LYPLAL1: variants seen among roughly 807,000 people sequenced by gnomAD.
The protein encoded by LYPLAL1 is lysophospholipase like 1.
A neutral mutation model predicts 19.7 loss-of-function variants in LYPLAL1; 23 were observed. The ratio of observed to expected loss-of-function variants is 1.17; its 90% CI spans 0.84 to 1.65. The LOEUF is 1.65. LYPLAL1 is among the 40% of genes most tolerant of loss of function. LYPLAL1 has a pLI of 0.00. For missense variants in LYPLAL1, 355 were observed against 279.4 expected (o/e 1.27, Z -1.93); for synonymous variants, 119 against 96.3 (o/e 1.24, Z -1.38).
chr1:219,355,651 A>G, the LYPLAL1 span, among the ~76,000 whole-genome samples: 1 of 152,176 alleles, frequency 6.6e-6, no homozygotes, highest in Non-Finnish European at 1.5e-5. Context: ...AGAACTTTAT[A>G]CATGAAATCG....
the LYPLAL1 span, among the ~76,000 whole-genome samples, chr1:219,395,551 C>T: frequency 0.2 from 29,992 of 151,986 alleles, 3,519 homozygotes; most frequent in Admixed American, 0.31. Flanking sequence ...CAAAAATTTC[C>T]TCTCATTCTG....
the LYPLAL1 span, among the ~76,000 whole-genome samples, chr1:219,320,107 G>T: frequency 3.3e-5 from 5 of 152,212 alleles, no homozygotes; most frequent in Non-Finnish European, 7.3e-5. Context: ...CCTTGTTTCT[G>T]TAAGTGGTCA....
the LYPLAL1 span, among the ~76,000 whole-genome samples, chr1:219,408,882 C>G: frequency 6.6e-6 from 1 of 152,114 alleles, no homozygotes; most frequent in African/African-American, 2.4e-5. Flanking sequence ...AAGTTGGCTC[C>G]AGAAAGTGAA....
chr1:219,231,434 T>C, the LYPLAL1 span, among the ~76,000 whole-genome samples: 1 of 152,122 alleles, frequency 6.6e-6, no homozygotes, highest in Admixed American at 6.6e-5. Context: ...CAACAAGAGT[T>C]TACCTTGATA....
At chr1:219,301,906 A>G in the LYPLAL1 span, among the ~76,000 whole-genome samples, 1 of 152,160 alleles carries the variant, frequency 6.6e-6, no homozygotes, top group African/African-American at 2.4e-5. Flanking sequence ...TGATTTTACA[A>G]TAGTTCATAT....
the LYPLAL1 span, among the ~76,000 whole-genome samples, chr1:219,425,358 A>G: frequency 1.3e-4 from 20 of 152,238 alleles, no homozygotes; most frequent in Admixed American, 7.2e-4. Flanking sequence ...GCACAGGCTT[A>G]GTGATTTGCC....
chr1:219,300,530 CTTTTTTTT>C, the LYPLAL1 span, among the ~76,000 whole-genome samples: 3 of 82,010 alleles, frequency 3.7e-5, no homozygotes, highest in Non-Finnish European at 6.7e-5. Flanking sequence ...TTTATCCTAA[CTTTTTTTT>C]TTTTTTTTTT....
At chr1:219,360,688 A>T in the LYPLAL1 span, among the ~76,000 whole-genome samples, 1 of 152,094 alleles carries the variant, frequency 6.6e-6, no homozygotes, top group Admixed American at 6.5e-5. Flanking sequence ...TAGGAAAGGG[A>T]GATGTAAGAG....
chr1:219,216,053 T>C (rs1274513238), downstream of LYPLAL1, among the ~76,000 whole-genome samples: 1 of 152,122 alleles, frequency 6.6e-6, no homozygotes, highest in Non-Finnish European at 1.5e-5. Context: ...CTGAAATACT[T>C]CATGAAGTTC....
the LYPLAL1 span, among the ~76,000 whole-genome samples, chr1:219,308,529 G>A: frequency 9.3e-4 from 141 of 152,274 alleles, no homozygotes; most frequent in African/African-American, 2.9e-3. Context: ...TGGCAGGGCC[G>A]AGGGCCCCCA....
At chr1:219,279,144 C>T in the LYPLAL1 span, among the ~76,000 whole-genome samples, 6 of 152,198 alleles carry the variant, frequency 3.9e-5, no homozygotes, top group East Asian at 1.9e-4. Flanking sequence ...TTGCCTCCTC[C>T]GCCAACAGCT....
At chr1:219,311,400 A>G in the LYPLAL1 span, among the ~76,000 whole-genome samples, 5 of 152,206 alleles carry the variant, frequency 3.3e-5, no homozygotes, top group African/African-American at 1.2e-4. Flanking sequence ...AGCAGTATGA[A>G]CATATTTGCT....
the LYPLAL1 span, among the ~76,000 whole-genome samples, chr1:219,413,871 A>C: frequency 2.0e-5 from 3 of 152,238 alleles, no homozygotes; most frequent in Admixed American, 2.0e-4. Flanking sequence ...TGGTAGAAGA[A>C]TACTTTCCAG....
the LYPLAL1 span, among the ~76,000 whole-genome samples, chr1:219,320,065 G>T: frequency 6.6e-6 from 1 of 152,144 alleles, no homozygotes. Flanking sequence ...AACACAATAC[G>T]CAAGACAGAA....
At chr1:219,341,058 C>A in the LYPLAL1 span, among the ~76,000 whole-genome samples, 1 of 152,030 alleles carries the variant, frequency 6.6e-6, no homozygotes, top group African/African-American at 2.4e-5. Flanking sequence ...GTGCATGTAT[C>A]TGTATCTGTC....
At chr1:219,204,035 G>T (rs4846536) in intron 3 of LYPLAL1, among the ~76,000 whole-genome samples, 110,985 of 152,084 alleles carry the variant, frequency 0.73, 41,316 homozygotes, top group East Asian at 0.93. Context: ...TTTGTTAAGA[G>T]AGAGAGAACT....
chr1:219,406,773 A>G, the LYPLAL1 span, among the ~76,000 whole-genome samples: 1 of 129,210 alleles, frequency 7.7e-6, no homozygotes, highest in Non-Finnish European at 1.7e-5. Flanking sequence ...ATAAATCTAT[A>G]TCATAAATAG....
At chr1:219,331,485 G>T in the LYPLAL1 span, among the ~76,000 whole-genome samples, 2 of 152,106 alleles carry the variant, frequency 1.3e-5, no homozygotes, top group South Asian at 2.1e-4. Flanking sequence ...TTGGACTGGT[G>T]GACCAGCCAG....
chr1:219,430,615 A>G, the LYPLAL1 span, among the ~76,000 whole-genome samples: 1 of 152,142 alleles, frequency 6.6e-6, no homozygotes, highest in African/African-American at 2.4e-5. Flanking sequence ...CCTGGAAAAC[A>G]CTCATTCTTT....
Sources: allele counts gnomAD v4.1 joint callset (sites outside exome capture counted in the v4.1 genomes callset), GRCh38; gene constraint gnomAD v4.1.1; transcripts MANE v1.5; gene names NCBI Gene and HGNC (gene_info 2026-07-23, HGNC 2026-07-21).